TAF1: variants seen among roughly 807,000 people sequenced by gnomAD.
The protein encoded by TAF1 is TATA-box binding protein associated factor 1.
Under a neutral mutation model 138.5 loss-of-function variants are expected in TAF1, and 2 were observed. That is an observed-to-expected ratio of 0.01 (90% CI 0.01 to 0.05). The LOEUF (loss-of-function observed/expected upper bound fraction) is 0.05, where lower values mean the gene tolerates loss of function less well. Ranked by LOEUF, TAF1 falls within the 10% of genes least tolerant of loss-of-function variation. The probability of loss-of-function intolerance (pLI) is 1.00; values close to 1 mark genes in which losing one functional copy is unlikely to be tolerated. For synonymous variants in TAF1, 437 were observed against 503.2 expected (o/e 0.87, Z 1.76); for missense variants, 709 against 1,478.0 (o/e 0.48, Z 8.53).
At chrX:71,446,973 A>G (rs965998242) in intron 32 of TAF1, among the ~76,000 whole-genome samples, 3 of 112,044 alleles carry the variant, frequency 2.7e-5, no homozygotes, top group Middle Eastern at 9.2e-3. Context: ...TTTAATTTTC[A>G]CTTGTTTTGG....
At chrX:71,503,633 C>T (rs1380987165) in intron 13 of TAF1, among the ~76,000 whole-genome samples, 1 of 110,005 alleles carries the variant, frequency 9.1e-6, no homozygotes, top group East Asian at 2.9e-4. Flanking sequence ...TGTGATAAAA[C>T]ATCTTGTCTA....
chrX:71,425,911 G>C (rs1416781224), intron 32 of TAF1, among the ~76,000 whole-genome samples: 2 of 111,010 alleles, frequency 1.8e-5, no homozygotes, highest in Non-Finnish European at 3.8e-5. Context: ...AAAAATTATA[G>C]TACTTAAATT....
At chrX:71,442,840 A>G (rs1249525579) in intron 32 of TAF1, among the ~76,000 whole-genome samples, 4 of 111,819 alleles carry the variant, frequency 3.6e-5, no homozygotes, top group Non-Finnish European at 7.5e-5. Context: ...ATTTTTGTAT[A>G]AGGTGTAAGG....
intron 32 of TAF1, among the ~76,000 whole-genome samples, chrX:71,452,105 G>A (rs1219408724): frequency 1.3e-4 from 13 of 100,313 alleles, no homozygotes; most frequent in Non-Finnish European, 2.2e-4. Flanking sequence ...CGGGCGGGGG[G>A]CTGACCCCCC....
intron 34 of TAF1, among the ~76,000 whole-genome samples, chrX:71,456,232 C>G (rs1437284684): frequency 2.7e-5 from 3 of 111,905 alleles, no homozygotes; most frequent in Non-Finnish European, 5.6e-5. Context: ...TGAGTCAAAG[C>G]CTTAGACCCC....
chrX:71,504,626 A>G (rs1475961578), intron 13 of TAF1, among the ~76,000 whole-genome samples: 5 of 105,629 alleles, frequency 4.7e-5, no homozygotes, highest in Admixed American at 1.0e-4. Flanking sequence ...TGCAGTCCCA[A>G]CTACTAATAC....
chrX:71,430,385 C>CAAAAA (rs746183306), intron 32 of TAF1, among the ~76,000 whole-genome samples: 1 of 35,117 alleles, frequency 2.8e-5, no homozygotes, highest in Non-Finnish European at 5.5e-5. Context: ...CTCCGTCTCA[C>CAAAAA]AAAAAAAAAA....
intron 32 of TAF1, among the ~76,000 whole-genome samples, chrX:71,444,940 G>A (rs1019189607): frequency 3.6e-5 from 4 of 109,620 alleles, no homozygotes; most frequent in Admixed American, 2.0e-4. Flanking sequence ...ACCATAGCCA[G>A]GATGGTCTCA....
At chrX:71,445,151 TTAGG>T (rs1569355493) in intron 32 of TAF1, among the ~76,000 whole-genome samples, 1 of 108,511 alleles carries the variant, frequency 9.2e-6, no homozygotes, top group Non-Finnish European at 1.9e-5. Context: ...AAAAAAAAAA[TTAGG>T]TGGGTGTGGT....
chrX:71,398,553 T>C lies in TAF1; in HGVS notation c.3621-19T>C. ...TATGGTCCTGTGATTTTTCTTCCTCTGCTGCTCACACTGTTCAGTCGAAAA... is the reference window on the plus strand; with the variant it reads ...TATGGTCCTGTGATTTTTCTTCCTCCGCTGCTCACACTGTTCAGTCGAAAA... On this transcript the variant is annotated intron_variant, in intron 23 of 37. Coordinates refer to ENST00000423759, the MANE Select transcript of TAF1 (RefSeq NM_004606.5). The C allele has an allele frequency of 8.3e-7, 1 of 1,207,209 alleles. No homozygotes were observed. Among genetic ancestry groups the C allele is most frequent in the Non-Finnish European group, 1.1e-6 (1 of 894,084 alleles).
At chrX:71,411,901 G>C (rs181791134) in intron 28 of TAF1, among the ~76,000 whole-genome samples, 1 of 111,547 alleles carries the variant, frequency 9.0e-6, no homozygotes. Flanking sequence ...GGGATTATAG[G>C]CATGCGCCAC....
rs745791137 is a variant in TAF1 at position 71,463,743 on chromosome X, T to A, written c.5400-81T>A. The A allele has an allele frequency of 8.5e-5, 82 of 967,550 alleles. No homozygotes were observed. The South Asian group carries it at 1.7e-3, about 20-fold the overall frequency. 79.7% of individuals were successfully genotyped at this position (967,550 alleles called of 1,213,427 possible). A position where few individuals can be genotyped will look rare whatever the true frequency, so the allele number is the denominator to read the frequency against. On this transcript the variant is annotated intron_variant, in intron 37 of 37. Transcript: ENST00000423759. ...GTCCAGGGGAGGTGAGATGGGCTGATCCTTTGGTGGCACTGAGAATGGGAA... is the reference window on the plus strand; with the variant it reads ...GTCCAGGGGAGGTGAGATGGGCTGAACCTTTGGTGGCACTGAGAATGGGAA...
At chrX:71,379,954 T>C (rs1425106882) in intron 8 of TAF1, among the ~76,000 whole-genome samples, 1 of 111,042 alleles carries the variant, frequency 9.0e-6, no homozygotes, top group Non-Finnish European at 1.9e-5. Flanking sequence ...ATATTTTTGT[T>C]CCCAAGTCCC....
chrX:71,424,211 A>G lies in TAF1; in HGVS notation c.4726A>G (p.Ile1576Val), dbSNP rs747318308. 1 of 1,207,880 alleles carries G rather than the reference A, an allele frequency of 8.3e-7. No individual in the cohort carries two copies. The highest frequency in any genetic ancestry group is 2.2e-5 in the Admixed American group (1 of 45,553). The change falls in exon 32 of 38, where the codon ATT becomes GTT. Residue 1576 changes from isoleucine (I) to valine (V), a missense_variant. Transcript: ENST00000423759. ...RESFLDDVNL[I>V]LANSVKYNGP... The stretch of plus-strand genomic sequence containing the variant: ...GAGCTTTCTGGATGATGTAAACCTT[A>G]TTCTGGCCAACAGTGTTAAGTATAA...
chrX:71,439,644 C>T (rs1000229919), intron 32 of TAF1, among the ~76,000 whole-genome samples: 3 of 112,284 alleles, frequency 2.7e-5, no homozygotes, highest in Non-Finnish European at 1.9e-5. Context: ...TATTACGCTG[C>T]TCTCAGCACA....
intron 24 of TAF1, 53 bp from the exon 25 acceptor site, chrX:71,401,473 GAT>G: frequency 8.5e-7 from 1 of 1,181,509 alleles, no homozygotes; most frequent in African/African-American, 1.7e-5. Flanking sequence ...GCTTATCTCT[GAT>G]ATGTGTTTCA....
At chrX:71,422,004 A>G (rs1373538859) in intron 29 of TAF1, among the ~76,000 whole-genome samples, 1 of 112,250 alleles carries the variant, frequency 8.9e-6, no homozygotes, top group Non-Finnish European at 1.9e-5. Flanking sequence ...AAGACTGACA[A>G]TACTAAATGT....
intron 8 of TAF1, 86 bp downstream of exon 8, chrX:71,379,117 T>C (rs1399524841): frequency 6.2e-6 from 6 of 974,061 alleles, no homozygotes; most frequent in Non-Finnish European, 8.3e-6. Context: ...TTTTTTTTTT[T>C]TTTTTTTTTT....
chrX:71,515,237 T>C (rs1335699580), intron 13 of TAF1, among the ~76,000 whole-genome samples: 1 of 108,374 alleles, frequency 9.2e-6, no homozygotes, highest in Non-Finnish European at 1.9e-5. Context: ...ATATCCCACA[T>C]GTGTTCTTGC....
Sources: allele counts gnomAD v4.1 joint callset (sites outside exome capture counted in the v4.1 genomes callset), GRCh38; gene constraint gnomAD v4.1.1; transcripts MANE v1.5; gene names NCBI Gene and HGNC (gene_info 2026-07-23, HGNC 2026-07-21).